NBPF9: variants seen among roughly 807,000 people sequenced by gnomAD.
NBPF9 encodes the protein NBPF family member NBPF9.
A neutral mutation model predicts 97.8 loss-of-function variants in NBPF9; 91 were observed. The observed-to-expected ratio is 0.93, with a 90% CI of 0.79 to 1.11. The LOEUF is 1.11. NBPF9 is among the 50% of genes least tolerant of loss of function. The pLI is 0.00. For missense variants in NBPF9, 992 were observed against 939.5 expected (o/e 1.06, Z -0.73); for synonymous variants, 334 against 359.5 (o/e 0.93, Z 0.80).
At position 149,060,899 on chromosome 1, in the gene NBPF9, AC is replaced by A. The variant is rs1575823419; in HGVS notation, c.2304-205del. The A allele has an allele frequency of 1.1e-3, 425 of 383,292 alleles. 10 individuals carry two copies. In the East Asian group the frequency reaches 0.012, roughly 11 times the overall value. 23.7% of individuals were successfully genotyped at this position (383,292 alleles called of 1,614,324 possible). ...GAAAGAGAAAGACAGATAGACACAC[AC>A]ACACACACACACACACACACACACA... On this transcript the variant is annotated intron_variant, in intron 23 of 29. Transcript: ENST00000584027.
exon 7 of NBPF9, chr1:149,082,139 T>C: frequency 6.2e-7 from 1 of 1,611,990 alleles, no homozygotes; most frequent in East Asian, 2.2e-5. Flanking sequence ...GATACCACCA[T>C]GCTGACGTTT....
At chr1:149,060,368 G>T in intron 24 of NBPF9, 155 bp downstream of exon 24, 1 of 459,514 alleles carries the variant, frequency 2.2e-6, no homozygotes. Flanking sequence ...TGGGCTTCCA[G>T]GTAGAACTAG....
At position 149,077,806 on chromosome 1, in the gene NBPF9, G is replaced by C. The variant is rs2080029887; in HGVS notation, c.566+77C>G. The C allele has an allele frequency of 3.6e-5, 57 of 1,583,922 alleles. 4 individuals are homozygous for C. In the South Asian group the frequency reaches 6.0e-4, roughly 17 times the overall value. On this transcript the variant is annotated intron_variant, in intron 10 of 29. Coordinates refer to ENST00000584027, the Ensembl canonical transcript of NBPF9. ...GGATGCGGGCTTTTGGCCCACCATA[G>C]ATGCCAGAGAGGGTGTGCCTCCTAG...
Position 149,055,884 on chromosome 1 carries a change from C to G in NBPF9, c.3108G>C (p.Leu1036=), listed in dbSNP as rs12030770. Reference sequence around the variant, plus strand: ...AGACTTCAGGCTCTTCCACTTCCATCAGCACGCCGTTGAGCCTGGAAAAGG... The same window carrying G: ...AGACTTCAGGCTCTTCCACTTCCATGAGCACGCCGTTGAGCCTGGAAAAGG... Residue 1036 remains leucine (L), a synonymous_variant, in exon 30 of 30, where the codon CTG becomes CTC. Transcript: ENST00000584027. 0.031 allele frequency: 47,228 copies of G among 1,541,610 alleles called. 6,176 individuals are homozygous for G. The East Asian group carries it at 0.45, about 15-fold the overall frequency.
chr1:149,090,532 C>T (rs1450461378), intron 5 of NBPF9: 4 of 451,012 alleles, frequency 8.9e-6, no homozygotes, highest in Non-Finnish European at 1.2e-5. Flanking sequence ...CCTTAAGATG[C>T]ATTAAATTTA....
intron 16 of NBPF9, among the ~76,000 whole-genome samples, chr1:149,070,610 A>G (rs1486171453): frequency 2.6e-5 from 4 of 151,134 alleles, no homozygotes; most frequent in African/African-American, 9.7e-5. Flanking sequence ...CTCCATGGAC[A>G]TTGTTCAGGG....
rs1553651147 is a variant in NBPF9, at chr1:149,064,481, TC to T, written c.1802del (p.Arg601AsnfsTer7). On this transcript the variant is annotated frameshift_variant and splice_region_variant, in exon 19 of 30. Transcript: ENST00000584027. LOFTEE classifies it high-confidence loss of function. ...CCTTTTTCACTTGATCCCACCGATGTCCTGCAAATAAATTCAGATGGGCCCT... is the reference window on the plus strand; with the variant it reads ...CCTTTTTCACTTGATCCCACCGATGTCTGCAAATAAATTCAGATGGGCCCT... The T allele has an allele frequency of 6.7e-7, 1 of 1,487,562 alleles. No individual in the cohort carries two copies. Among genetic ancestry groups the T allele is most frequent in the African/African-American group, 1.5e-5 (1 of 68,260 alleles). The allele number at this position is 1,487,562 out of a possible 1,614,324, so 92.1% of individuals were successfully genotyped here.
intron 5 of NBPF9, among the ~76,000 whole-genome samples, chr1:149,087,221 T>C (rs1234131738): frequency 2.0e-5 from 3 of 151,806 alleles, no homozygotes; most frequent in South Asian, 2.1e-4. Context: ...GTGCTGTTTA[T>C]CGTATCAGAC....
intron 27 of NBPF9, among the ~76,000 whole-genome samples, chr1:149,057,736 C>CACACACAA (rs2078308904): frequency 2.0e-5 from 2 of 102,468 alleles, no homozygotes; most frequent in Non-Finnish European, 2.1e-5. Flanking sequence ...CACACACACA[C>CACACACAA]ACACACACAC....
At position 149,060,274 on chromosome 1, in the gene NBPF9, C is replaced by G; in HGVS notation, c.2476+249G>C. The G allele has an allele frequency of 1.5e-5, 5 of 329,908 alleles. 1 individual carries two copies. Among genetic ancestry groups the G allele is most frequent in the Non-Finnish European group, 2.9e-5 (5 of 173,904 alleles). The allele number at this position is 329,908 out of a possible 1,614,324, so 20.4% of individuals were successfully genotyped here. On this transcript the variant is annotated intron_variant, in intron 24 of 29. Transcript: ENST00000584027. ...TGAATTTGTCACATCTGCCCAGGTC[C>G]AATGTCATGAGGATAGGATCAGGGC... is the stretch of plus-strand genomic sequence containing the variant.
intron 4 of NBPF9, among the ~76,000 whole-genome samples, chr1:149,097,218 T>C (rs1553245991): frequency 6.6e-6 from 1 of 151,624 alleles, no homozygotes; most frequent in Non-Finnish European, 1.5e-5. Context: ...AATGAACAAA[T>C]TTACATGAAG....
At chr1:149,070,565 G>A (rs187835476) in intron 16 of NBPF9, among the ~76,000 whole-genome samples, 4 of 150,780 alleles carry the variant, frequency 2.7e-5, no homozygotes, top group East Asian at 2.3e-4. Flanking sequence ...AAAAACAAAG[G>A]CAAGGCTGCC....
chr1:149,085,532 T>A (rs1173905851), intron 5 of NBPF9, among the ~76,000 whole-genome samples: 4 of 152,184 alleles, frequency 2.6e-5, no homozygotes, highest in Admixed American at 6.5e-5. Context: ...ATTGTGTTGA[T>A]GTAATATGCT....
chr1:149,076,239 G>A (rs587697147), intron 11 of NBPF9, among the ~76,000 whole-genome samples: 28 of 150,942 alleles, frequency 1.9e-4, no homozygotes, highest in Admixed American at 1.3e-3. Flanking sequence ...ACTCTGTCAC[G>A]CAGGCTGAAG....
chr1:149,075,051 C>T (rs2079739609), intron 12 of NBPF9, among the ~76,000 whole-genome samples: 2 of 151,452 alleles, frequency 1.3e-5, no homozygotes, highest in Admixed American at 1.3e-4. Context: ...ACCTCATGAT[C>T]TGCCCGCCTC....
intron 1 of NBPF9, among the ~76,000 whole-genome samples, 165 bp from the exon 2 acceptor site, chr1:149,103,012 G>GC (rs2082247631): frequency 6.6e-6 from 1 of 151,748 alleles, no homozygotes; most frequent in African/African-American, 2.4e-5. Context: ...ACGAGGACGT[G>GC]CCCCCGAAGC....
chr1:149,067,982 T>G (rs1233455625), intron 17 of NBPF9, among the ~76,000 whole-genome samples: 82 of 145,440 alleles, frequency 5.6e-4, no homozygotes, highest in African/African-American at 7.1e-4. Flanking sequence ...TCAACATTCT[T>G]AAAGAAAAGA....
intron 5 of NBPF9, among the ~76,000 whole-genome samples, chr1:149,082,818 C>T (rs878981412): frequency 2.7e-5 from 4 of 145,782 alleles, no homozygotes; most frequent in East Asian, 2.0e-4. Context: ...CTCACTCTGT[C>T]GCCCAGGCTG....
intron 12 of NBPF9, among the ~76,000 whole-genome samples, chr1:149,075,075 G>T (rs1260041547): frequency 6.6e-6 from 1 of 151,476 alleles, no homozygotes; most frequent in Non-Finnish European, 1.5e-5. Flanking sequence ...CTCCCAAAGT[G>T]CTGGGATTAC....
Sources: allele counts gnomAD v4.1 joint callset (sites outside exome capture counted in the v4.1 genomes callset), GRCh38; gene constraint gnomAD v4.1.1; transcripts MANE v1.5; gene names NCBI Gene and HGNC (gene_info 2026-07-23, HGNC 2026-07-21).